The following PDK1 variants were observed in gnomAD, a reference collection of about 807,000 sequenced individuals.
PDK1 encodes [Pyruvate dehydrogenase (acetyl-transferring)] kinase isozyme 1, mitochondrial.
PDK1 carries 39 observed loss-of-function variants against 54.2 expected under a neutral mutation model. The ratio of observed to expected loss-of-function variants is 0.72; its 90% confidence interval spans 0.56 to 0.94. PDK1 has a LOEUF of 0.94. Among genes scored for constraint, PDK1 ranks in the 40% least tolerant of loss-of-function variants. The pLI, the probability that PDK1 is intolerant of heterozygous loss-of-function variation, is 0.00. For synonymous variants in PDK1, 221 were observed against 207.1 expected (o/e 1.07, Z -0.58); for missense variants, 552 against 566.0 (o/e 0.98, Z 0.25).
the PDK1 span, among the ~76,000 whole-genome samples, chr2:172,640,655 C>T: frequency 3.9e-5 from 6 of 152,184 alleles, no homozygotes; most frequent in African/African-American, 1.2e-4. Context: ...TCACAGCCAA[C>T]CACAATGAGG....
chr2:172,576,856 A>G (rs1689611345), intron 8 of PDK1, among the ~76,000 whole-genome samples: 1 of 152,042 alleles, frequency 6.6e-6, no homozygotes, highest in Non-Finnish European at 1.5e-5. Context: ...ATCTATTGAG[A>G]TTTGTTTTAC....
In PDK1 at chr2:172,578,468, A is replaced by G. The variant is rs143568554; in HGVS notation, c.945+7644A>G. On this transcript the variant is annotated intron_variant, in intron 8 of 10. Coordinates refer to ENST00000282077, the MANE Select transcript of PDK1 (RefSeq NM_002610.5). ...TTGATGCATATCATTTTATTGCCCT[A>G]TATTTTATTGTTGTATCGTTTAAAA... 2.8e-4 allele frequency among the ~76,000 whole-genome samples: 42 copies of G among 151,940 alleles called. 1 individual carries two copies. Among genetic ancestry groups the G allele is most frequent in the African/African-American group, 8.9e-4 (37 of 41,426 alleles).
At chr2:172,685,962 C>T in the PDK1 span, among the ~76,000 whole-genome samples, 6 of 152,194 alleles carry the variant, frequency 3.9e-5, no homozygotes, top group Non-Finnish European at 7.3e-5. Flanking sequence ...ATCCTATGCT[C>T]CTGAGAAATC....
At chr2:172,556,038 G>C, upstream of PDK1, 1 of 764,724 alleles carries the variant, frequency 1.3e-6, no homozygotes, top group Non-Finnish European at 1.9e-6. Context: ...TGGGGGCCGC[G>C]CCGGTGACAG....
intron 9 of PDK1, among the ~76,000 whole-genome samples, chr2:172,589,205 G>T (rs1384262819): frequency 6.6e-6 from 1 of 152,142 alleles, no homozygotes; most frequent in African/African-American, 2.4e-5. Flanking sequence ...AGTTTTCTTC[G>T]GGCCACTTCT....
At chr2:172,696,618 G>A in the PDK1 span, among the ~76,000 whole-genome samples, 2 of 152,148 alleles carry the variant, frequency 1.3e-5, no homozygotes, top group East Asian at 3.9e-4. Flanking sequence ...GACATATTAG[G>A]ATTTAATAAT....
the PDK1 span, among the ~76,000 whole-genome samples, chr2:172,675,806 G>T: frequency 6.6e-6 from 1 of 152,152 alleles, no homozygotes; most frequent in Admixed American, 6.6e-5. Flanking sequence ...GCCTTCTATT[G>T]GAAGAAGATG....
chr2:172,668,912 G>T, the PDK1 span, among the ~76,000 whole-genome samples: 26,212 of 87,282 alleles, frequency 0.3, 2,453 homozygotes, highest in Middle Eastern at 0.41. Context: ...TATATAGAGA[G>T]AGAGAGAGAG....
chr2:172,675,342 G>A, the PDK1 span, among the ~76,000 whole-genome samples: 1 of 152,196 alleles, frequency 6.6e-6, no homozygotes, highest in African/African-American at 2.4e-5. Context: ...AGCCAAGATT[G>A]GCCAAAAGCT....
chr2:172,642,221 A>G, the PDK1 span, among the ~76,000 whole-genome samples: 1 of 152,098 alleles, frequency 6.6e-6, no homozygotes, highest in East Asian at 1.9e-4. Flanking sequence ...TAACGTTAAG[A>G]CTTTTGGAAT....
chr2:172,662,672 G>A, the PDK1 span, among the ~76,000 whole-genome samples: 4 of 151,790 alleles, frequency 2.6e-5, no homozygotes, highest in African/African-American at 4.8e-5. Context: ...TACAACCTTA[G>A]GAAAATAAAT....
chr2:172,703,789 G>A, the PDK1 span, among the ~76,000 whole-genome samples: 1 of 5,406 alleles, frequency 1.8e-4, no homozygotes, highest in Non-Finnish European at 4.4e-4. Context: ...TTTTTTTTTT[G>A]ATAGAGTCTC....
In PDK1 at chr2:172,607,476, G is replaced by T. The variant is rs1308620787; in HGVS notation, c.*11507G>T. The T allele has an allele frequency of 1.3e-5, 2 of 152,174 alleles. No individual in the cohort carries two copies. The highest frequency in any genetic ancestry group is 2.4e-5 in the African/African-American group (1 of 41,428). 9.4% of individuals were successfully genotyped at this position (152,174 alleles called of 1,614,324 possible). ...TCTCCAGTTGTTTTGCCACTCCAGGGCCTGACTCAAACCAAAATAAGACTT... is the reference window on the plus strand; with the variant it reads ...TCTCCAGTTGTTTTGCCACTCCAGGTCCTGACTCAAACCAAAATAAGACTT... On this transcript the variant is annotated 3_prime_UTR_variant, in exon 11 of 11. Transcript: ENST00000282077.
Position 172,607,966 on chromosome 2 carries a change from A to C in PDK1, c.*11997A>C, listed in dbSNP as rs183929117. Reference sequence around the variant, plus strand: ...TTCAGTGTTAGACTGTAGTTATCCAAGCAGTATCAGATAGTGTGCAGTTTT... The same window carrying C: ...TTCAGTGTTAGACTGTAGTTATCCACGCAGTATCAGATAGTGTGCAGTTTT... On this transcript the variant is annotated 3_prime_UTR_variant, in exon 11 of 11. Transcript: ENST00000282077. 1.2e-4 allele frequency: 19 copies of C among 152,356 alleles called. No homozygotes were observed. The East Asian group carries it at 3.7e-3, about 29-fold the overall frequency. 9.4% of individuals were successfully genotyped at this position (152,356 alleles called of 1,614,324 possible). A position where few individuals can be genotyped will look rare whatever the true frequency, so the allele number is the denominator to read the frequency against.
chr2:172,664,426 G>A, the PDK1 span, among the ~76,000 whole-genome samples: 2 of 150,764 alleles, frequency 1.3e-5, no homozygotes, highest in African/African-American at 4.9e-5. Context: ...TTTCCTGGAG[G>A]CTTGAGAGTT....
chr2:172,686,516 A>G, the PDK1 span, among the ~76,000 whole-genome samples: 1 of 152,232 alleles, frequency 6.6e-6, no homozygotes, highest in Non-Finnish European at 1.5e-5. Context: ...TGGACCAATC[A>G]GCACTCTGTA....
chr2:172,701,111 C>G, the PDK1 span, among the ~76,000 whole-genome samples: 6 of 152,096 alleles, frequency 3.9e-5, no homozygotes, highest in Admixed American at 3.3e-4. Flanking sequence ...GTAATAGATG[C>G]ACATGGTGTT....
chr2:172,630,867 C>T, the PDK1 span, among the ~76,000 whole-genome samples: 67 of 152,164 alleles, frequency 4.4e-4, no homozygotes, highest in African/African-American at 1.5e-3. Context: ...TGACCTCAAG[C>T]GATCCTCCCA....
At chr2:172,674,116 C>T in the PDK1 span, 3 of 152,268 alleles carry the variant, frequency 2.0e-5, no homozygotes, top group African/African-American at 7.2e-5. Context: ...AAAGAAGCCC[C>T]CAGGTGCAAG....
Sources: allele counts gnomAD v4.1 joint callset (sites outside exome capture counted in the v4.1 genomes callset), GRCh38; gene constraint gnomAD v4.1.1; transcripts MANE v1.5; gene names NCBI Gene and HGNC (gene_info 2026-07-23, HGNC 2026-07-21).